The following FUNDC2 variants were observed in gnomAD, a reference collection of about 807,000 sequenced individuals.
FUNDC2 encodes FUN14 domain-containing protein 2.
FUNDC2 carries 4 observed loss-of-function variants against 15.6 expected under a neutral mutation model. The observed-to-expected ratio is 0.26, with a 90% CI of 0.13 to 0.59. FUNDC2 has a LOEUF of 0.59. FUNDC2 is among the 20% of genes least tolerant of loss of function. The pLI is 0.90. For synonymous variants in FUNDC2, 44 were observed against 56.9 expected (o/e 0.77, Z 1.02); for missense variants, 98 against 149.7 (o/e 0.65, Z 1.80).
chrX:155,031,807 T>C (rs2073815821), intron 1 of FUNDC2, among the ~76,000 whole-genome samples: 1 of 111,951 alleles, frequency 8.9e-6, no homozygotes, highest in Non-Finnish European at 1.9e-5. Context: ...GAATAGTACA[T>C]TGCTGACATT....
At chrX:155,054,572 A>G in intron 4 of FUNDC2, 23 bp from the exon 5 acceptor site, 1 of 1,210,336 alleles carries the variant, frequency 8.3e-7, no homozygotes, top group Non-Finnish European at 1.1e-6. Context: ...AAAACAACCC[A>G]TTGTACTATC....
At chrX:155,048,405 C>T (rs935164203) in intron 3 of FUNDC2, among the ~76,000 whole-genome samples, 11 of 112,344 alleles carry the variant, frequency 9.8e-5, no homozygotes, top group African/African-American at 3.6e-4. Flanking sequence ...AATAATTCTT[C>T]CCTTTCCCAA....
intron 2 of FUNDC2, among the ~76,000 whole-genome samples, chrX:155,041,965 A>T (rs1469201267): frequency 9.7e-6 from 1 of 103,479 alleles, no homozygotes; most frequent in Non-Finnish European, 2.0e-5. Flanking sequence ...GCTACTCGGG[A>T]GGCTGAGGCA....
chrX:155,042,335 C>T (rs1164779330), intron 2 of FUNDC2, among the ~76,000 whole-genome samples: 5 of 106,492 alleles, frequency 4.7e-5, no homozygotes, highest in Admixed American at 1.0e-4. Context: ...TACAGGTGTG[C>T]ACCACCGCAC....
Position 155,026,885 on chromosome X carries a change from A to G in FUNDC2, c.-54A>G. The G allele has an allele frequency of 1.7e-6, 2 of 1,159,835 alleles. No individual in the cohort carries two copies. Among genetic ancestry groups the G allele is most frequent in the Non-Finnish European group, 2.3e-6 (2 of 871,301 alleles). On this transcript the variant is annotated 5_prime_UTR_variant, in exon 1 of 5. Transcript: ENST00000369498. ...CTCTGTGATGTAGCCGCTTGCGGAG[A>G]CTGCAAGCAGCCGCGGCGCGCCCGG...
chrX:155,049,393 G>T (rs1284386185), intron 3 of FUNDC2: 1 of 112,924 alleles, frequency 8.9e-6, no homozygotes, highest in Non-Finnish European at 1.9e-5. Context: ...TCAGTTTGTT[G>T]TAGTTGTCCA....
At position 155,054,502 on chromosome X, in the gene FUNDC2, A is replaced by G; in HGVS notation, c.493-93A>G. ...TTACGTAACCGATGAGGGGATTGACATTGTTAAGACTGGCATAGGTATAAT... is the reference window on the plus strand; with the variant it reads ...TTACGTAACCGATGAGGGGATTGACGTTGTTAAGACTGGCATAGGTATAAT... On this transcript the variant is annotated intron_variant, in intron 4 of 4. Coordinates refer to ENST00000369498, the MANE Select transcript of FUNDC2 (RefSeq NM_023934.4). The G allele has an allele frequency of 5.1e-6, 6 of 1,180,213 alleles. No homozygotes were observed. The South Asian group carries it at 9.6e-5, about 19-fold the overall frequency.
In FUNDC2 at chrX:155,027,087, C is replaced by T. The variant is rs1557288317; in HGVS notation, c.133+16C>T. 2 of 1,109,728 alleles carry T rather than the reference C, an allele frequency of 1.8e-6. No homozygotes were observed. Among genetic ancestry groups the T allele is most frequent in the Middle Eastern group, 2.7e-4 (1 of 3,754 alleles). 91.5% of individuals were successfully genotyped at this position (1,109,728 alleles called of 1,213,427 possible). On this transcript the variant is annotated intron_variant, in intron 1 of 4. Transcript: ENST00000369498. The stretch of plus-strand genomic sequence containing the variant: ...TCCAGTCAAGGTAAGGGCGGGCGCG[C>T]GCGCGGCCGGCGCCGCGGGGAGCCG...
rs2073897384 is a variant in FUNDC2, at chrX:155,056,460, T to C, written c.*1788T>C. On this transcript the variant is annotated 3_prime_UTR_variant, in exon 5 of 5. Transcript: ENST00000369498. The stretch of plus-strand genomic sequence containing the variant: ...TTTAGTTTGTTTGAATCAAAATTCA[T>C]GCAAGGTTCACATCGTATTTGCATG... 1 of 111,848 alleles carries C rather than the reference T, an allele frequency of 8.9e-6. No individual in the cohort carries two copies. The highest frequency in any genetic ancestry group is 9.4e-5 in the Admixed American group (1 of 10,588). The allele number at this position is 111,848 out of a possible 1,213,427, so 9.2% of individuals were successfully genotyped here.
chrX:155,058,096 C>G lies in FUNDC2; in HGVS notation c.*3424C>G, dbSNP rs782313158. On this transcript the variant is annotated 3_prime_UTR_variant, in exon 5 of 5. Coordinates refer to ENST00000369498, the MANE Select transcript of FUNDC2 (RefSeq NM_023934.4). ...TTTGTTGCAATCTCCCGCCACTCAGCCTCCAGACATTCATTAACAGGACAG... is the reference window on the plus strand; with the variant it reads ...TTTGTTGCAATCTCCCGCCACTCAGGCTCCAGACATTCATTAACAGGACAG... 1.1e-4 allele frequency: 12 copies of G among 111,551 alleles called. No individual in the cohort carries two copies. In the Admixed American group the frequency reaches 1.1e-3, roughly 11 times the overall value. 9.2% of individuals were successfully genotyped at this position (111,551 alleles called of 1,213,427 possible).
Position 155,056,318 on chromosome X carries a change from C to CTTT in FUNDC2, c.*1647_*1648insTTT, listed in dbSNP as rs1490096552. ...TTTTATCATATTTCAGTATGTATCT[C>CTTT]TAAAAGGTAAGAATTATTTCTAAAA... On this transcript the variant is annotated 3_prime_UTR_variant, in exon 5 of 5. Coordinates refer to ENST00000369498, the MANE Select transcript of FUNDC2 (RefSeq NM_023934.4). 4.5e-5 allele frequency: 5 copies of CTTT among 111,405 alleles called. No homozygotes were observed. Among genetic ancestry groups the CTTT allele is most frequent in the Non-Finnish European group, 9.4e-5 (5 of 53,095 alleles). 9.2% of individuals were successfully genotyped at this position (111,405 alleles called of 1,213,427 possible).
At chrX:155,052,596 G>A (rs2124198659) in intron 4 of FUNDC2, among the ~76,000 whole-genome samples, 1 of 110,864 alleles carries the variant, frequency 9.0e-6, no homozygotes, top group South Asian at 3.9e-4. Flanking sequence ...TGAGTGCAGG[G>A]GAGGAGAAAT....
chrX:155,033,135 C>T (rs2073820857), intron 1 of FUNDC2: 2 of 212,114 alleles, frequency 9.4e-6, no homozygotes, highest in East Asian at 1.7e-4. Flanking sequence ...GCGTGAGCCA[C>T]CGCGCCCAGC....
At chrX:155,052,241 T>C (rs1275446642) in intron 4 of FUNDC2, among the ~76,000 whole-genome samples, 1 of 112,189 alleles carries the variant, frequency 8.9e-6, no homozygotes, top group Admixed American at 9.4e-5. Context: ...AATAAGTGGA[T>C]GTGGCTGTGT....
In FUNDC2 at chrX:155,058,469, T is replaced by A. The variant is rs1173606985; in HGVS notation, c.*3797T>A. On this transcript the variant is annotated 3_prime_UTR_variant, in exon 5 of 5. Transcript: ENST00000369498. ...TCTGCTTGAAAAGATGGTATACTGATGGATTTGAAATTTCTGAGTATCATC... is the reference window on the plus strand; with the variant it reads ...TCTGCTTGAAAAGATGGTATACTGAAGGATTTGAAATTTCTGAGTATCATC... 9.0e-6 allele frequency: 1 copy of A among 111,065 alleles called. No individual in the cohort carries two copies. The highest frequency in any genetic ancestry group is 3.3e-5 in the African/African-American group (1 of 30,439). The allele number at this position is 111,065 out of a possible 1,213,427, so 9.2% of individuals were successfully genotyped here. A position where few individuals can be genotyped will look rare whatever the true frequency, so the allele number is the denominator to read the frequency against.
intron 2 of FUNDC2, among the ~76,000 whole-genome samples, chrX:155,038,686 T>A (rs1557289347): frequency 1.8e-5 from 2 of 112,648 alleles, no homozygotes; most frequent in African/African-American, 3.2e-5. Flanking sequence ...ATATCAAGAT[T>A]TCCTTTTTAA....
Position 155,057,634 on chromosome X carries a change from G to C in FUNDC2, c.*2962G>C, listed in dbSNP as rs1388299327. ...AAGGCTTCCCTTCCCTTGTCCTGCA[G>C]CGTGCTGGACAGTGTCCCGGCTCAG... On this transcript the variant is annotated 3_prime_UTR_variant, in exon 5 of 5. Coordinates refer to ENST00000369498, the MANE Select transcript of FUNDC2 (RefSeq NM_023934.4). The C allele has an allele frequency of 2.7e-5, 3 of 112,052 alleles. No individual in the cohort carries two copies. Among genetic ancestry groups the C allele is most frequent in the East Asian group, 5.6e-4 (2 of 3,577 alleles). The allele number at this position is 112,052 out of a possible 1,213,427, so 9.2% of individuals were successfully genotyped here. A position where few individuals can be genotyped will look rare whatever the true frequency, so the allele number is the denominator to read the frequency against.
At chrX:155,054,414 C>T (rs2073887533) in intron 4 of FUNDC2, 181 bp from the exon 5 acceptor site, 1 of 747,591 alleles carries the variant, frequency 1.3e-6, no homozygotes, top group Non-Finnish European at 1.6e-6. Flanking sequence ...ATATGTAAGT[C>T]TATTTAATTA....
Position 155,059,236 on chromosome X carries a change from C to T in FUNDC2, c.*4564C>T, listed in dbSNP as rs2073918903. 1 of 112,311 alleles carries T rather than the reference C, an allele frequency of 8.9e-6. No individual in the cohort carries two copies. Among genetic ancestry groups the T allele is most frequent in the Admixed American group, 9.4e-5 (1 of 10,635 alleles). 9.3% of individuals were successfully genotyped at this position (112,311 alleles called of 1,213,427 possible). A position where few individuals can be genotyped will look rare whatever the true frequency, so the allele number is the denominator to read the frequency against. On this transcript the variant is annotated 3_prime_UTR_variant, in exon 5 of 5. Coordinates refer to ENST00000369498, the MANE Select transcript of FUNDC2 (RefSeq NM_023934.4). Reference sequence around the variant, plus strand: ...AGTGCCATACAACTTCAGATGCCTTCTGAATACTGAACACAAGTGTAATAT... The same window carrying T: ...AGTGCCATACAACTTCAGATGCCTTTTGAATACTGAACACAAGTGTAATAT...
Sources: allele counts gnomAD v4.1 joint callset (sites outside exome capture counted in the v4.1 genomes callset), GRCh38; gene constraint gnomAD v4.1.1; transcripts MANE v1.5; gene names NCBI Gene and HGNC (gene_info 2026-07-23, HGNC 2026-07-21).